Variants in CTDP1 observed in about 807,000 individuals in gnomAD.
CTDP1 encodes the protein CTD phosphatase 1, also known as RNA polymerase II subunit A C-terminal domain phosphatase.
CTDP1 carries 47 observed loss-of-function variants against 91.8 expected under a neutral mutation model. The observed-to-expected ratio is 0.51, with a 90% CI of 0.41 to 0.65. The LOEUF (loss-of-function observed/expected upper bound fraction) is 0.65, where lower values mean the gene tolerates loss of function less well. Ranked by LOEUF, CTDP1 falls within the 30% of genes least tolerant of loss-of-function variation. CTDP1 has a pLI of 0.00. For missense variants in CTDP1, 1,272 were observed against 1,373.7 expected, an observed-to-expected ratio of 0.93 and a Z score of 1.17; for synonymous variants, 656 against 598.5, an observed-to-expected ratio of 1.10 and a Z score of -1.40.
intron 12 of CTDP1, among the ~76,000 whole-genome samples, chr18:79,752,234 G>C (rs1479905425): frequency 6.6e-6 from 1 of 151,958 alleles, no homozygotes; most frequent in East Asian, 1.9e-4. Context: ...GGAAAGCCTA[G>C]TGGCACCGGC....
intron 12 of CTDP1, among the ~76,000 whole-genome samples, chr18:79,742,239 G>A (rs2086796172): frequency 1.3e-5 from 2 of 150,450 alleles, no homozygotes; most frequent in Admixed American, 1.3e-4. Flanking sequence ...TGAGGGGTTG[G>A]TGGAGAGAGG....
rs778406920 is a variant in CTDP1, at chr18:79,695,319, G to A, written c.398+11G>A. 99 of 1,613,268 alleles carry A rather than the reference G, an allele frequency of 6.1e-5. No homozygotes were observed. Among genetic ancestry groups the A allele is most frequent in the Non-Finnish European group, 6.9e-5 (81 of 1,179,382 alleles). Reference sequence around the variant, plus strand: ...CCAAGACCTCACCCAGTAAGTATCCGGAAGAGTGAGATCGCTGCCTGCTGG... The same window carrying A: ...CCAAGACCTCACCCAGTAAGTATCCAGAAGAGTGAGATCGCTGCCTGCTGG... On this transcript the variant is annotated intron_variant, in intron 2 of 12. Coordinates refer to ENST00000613122, the MANE Select transcript of CTDP1 (RefSeq NM_004715.5).
At chr18:79,734,854 C>G (rs375611147) in intron 11 of CTDP1, among the ~76,000 whole-genome samples, 2 of 152,222 alleles carry the variant, frequency 1.3e-5, no homozygotes, top group African/African-American at 2.4e-5. Flanking sequence ...ACCAGATGCT[C>G]TTATTAAATA....
intron 12 of CTDP1, among the ~76,000 whole-genome samples, chr18:79,738,526 C>T (rs760308454): frequency 1.3e-5 from 2 of 152,254 alleles, no homozygotes; most frequent in African/African-American, 2.4e-5. Flanking sequence ...TCCAGGTACA[C>T]GTCTGGTGTC....
chr18:79,700,346 A>G (rs758920777), intron 4 of CTDP1, among the ~76,000 whole-genome samples: 2 of 152,224 alleles, frequency 1.3e-5, no homozygotes, highest in Non-Finnish European at 2.9e-5. Context: ...TGCAAAGGAA[A>G]AGTTCTTGAA....
intron 4 of CTDP1, among the ~76,000 whole-genome samples, chr18:79,703,981 A>G (rs1348423245): frequency 6.6e-6 from 1 of 151,852 alleles, no homozygotes; most frequent in Non-Finnish European, 1.5e-5. Context: ...TAGTTAGTGT[A>G]GCTGTCATCG....
chr18:79,696,134 G>T, intron 3 of CTDP1, 64 bp downstream of exon 3: 2 of 1,428,192 alleles, frequency 1.4e-6, no homozygotes, highest in Non-Finnish European at 1.9e-6. Context: ...GCGGCTGCAG[G>T]AGGAGGGTGG....
At chr18:79,716,867 G>T (rs908905899) in intron 8 of CTDP1, among the ~76,000 whole-genome samples, 2 of 152,226 alleles carry the variant, frequency 1.3e-5, no homozygotes, top group Non-Finnish European at 2.9e-5. Context: ...CAGGTCACCC[G>T]CTGTGCCCGG....
intron 12 of CTDP1, among the ~76,000 whole-genome samples, chr18:79,746,354 T>C (rs371901751): frequency 0.064 from 5,665 of 87,882 alleles, 425 homozygotes; most frequent in Middle Eastern, 0.17. Flanking sequence ...GTTCTGACCC[T>C]GCGTCCCTCC....
rs17855830 is a variant in CTDP1 at position 79,680,128 on chromosome 18, T to G, written c.181T>G (p.Ser61Ala). Residue 61 changes from serine to alanine, a missense_variant, in exon 1 of 13, where the codon TCC (serine) becomes GCC (alanine). Transcript: ENST00000613122. ...VFEAAASAQS[S>A]GASQSRVASG... ...CGAGGCCGCCGCCTCCGCGCAGTCC[T>G]CCGGGGCCTCTCAGTCCCGTGTAGC... The G allele has an allele frequency of 0.6, 858,773 of 1,421,536 alleles. 261,201 individuals carry two copies. The highest frequency in any genetic ancestry group is 0.69 in the South Asian group (48,777 of 70,576). 88.1% of individuals were successfully genotyped at this position (1,421,536 alleles called of 1,614,324 possible).
At chr18:79,703,921 C>T (rs1266559451) in intron 4 of CTDP1, among the ~76,000 whole-genome samples, 3 of 151,286 alleles carry the variant, frequency 2.0e-5, no homozygotes, top group African/African-American at 4.9e-5. Flanking sequence ...GGCTGGTTAT[C>T]GGGGGTGGTT....
chr18:79,754,295 G>A lies in CTDP1; in HGVS notation c.*505G>A. 1 of 198,470 alleles carries A rather than the reference G, an allele frequency of 5.0e-6. No homozygotes were observed. The highest frequency in any genetic ancestry group is 2.3e-3 in the Middle Eastern group (1 of 442). 12.3% of individuals were successfully genotyped at this position (198,470 alleles called of 1,614,324 possible). On this transcript the variant is annotated 3_prime_UTR_variant, in exon 13 of 13. Coordinates refer to ENST00000613122, the MANE Select transcript of CTDP1 (RefSeq NM_004715.5). ...GAACGCCGTGACTGTCGGGCAGCCTGGAGCTTCCTGCAGCCTCCTACGCAG... is the reference window on the plus strand; with the variant it reads ...GAACGCCGTGACTGTCGGGCAGCCTAGAGCTTCCTGCAGCCTCCTACGCAG...
At chr18:79,705,364 GC>G (rs1258338031) in intron 5 of CTDP1, among the ~76,000 whole-genome samples, 4 of 152,196 alleles carry the variant, frequency 2.6e-5, no homozygotes, top group African/African-American at 9.7e-5. Context: ...TAGCGTGAAT[GC>G]CAGGCTACGG....
chr18:79,712,685 T>C (rs2122612516), intron 6 of CTDP1, among the ~76,000 whole-genome samples: 2 of 152,334 alleles, frequency 1.3e-5, no homozygotes, highest in Non-Finnish European at 2.9e-5. Context: ...CGGTCAGAGT[T>C]GGGTTTCGTC....
At position 79,715,323 on chromosome 18, in the gene CTDP1, C is replaced by T; in HGVS notation, c.1863C>T (p.Asp621=). The T allele has an allele frequency of 6.2e-7, 1 of 1,609,602 alleles. No individual in the cohort carries two copies. The highest frequency in any genetic ancestry group is 8.5e-7 in the Non-Finnish European group (1 of 1,177,860). Residue 621 remains aspartate (D), a synonymous_variant, in exon 8 of 13, where the codon GAC becomes GAT. Coordinates refer to ENST00000613122, the MANE Select transcript of CTDP1 (RefSeq NM_004715.5). ...YLNKEIEEAP[D]IRKIVPELKS... ...ACAAGGAGATCGAGGAGGCGCCGGA[C>T]ATCCGCAAGATCGTGCCGGAGCTCA...
chr18:79,745,110 G>T (rs1357813434), intron 12 of CTDP1, among the ~76,000 whole-genome samples: 1 of 152,206 alleles, frequency 6.6e-6, no homozygotes, highest in Non-Finnish European at 1.5e-5. Context: ...ATTAGGAGGT[G>T]TCCCCACGAC....
intron 10 of CTDP1, among the ~76,000 whole-genome samples, chr18:79,724,751 A>G (rs530441420): frequency 1.3e-5 from 2 of 152,372 alleles, no homozygotes; most frequent in South Asian, 2.1e-4. Flanking sequence ...CTAGTAGCCC[A>G]GTCCCAGATC....
At chr18:79,755,656 T>C (rs956296801), downstream of CTDP1, 1 of 152,176 alleles carries the variant, frequency 6.6e-6, no homozygotes. Flanking sequence ...CGATTCTGCG[T>C]GTGGTTGGTC....
chr18:79,722,562 G>A (rs1222031864), intron 10 of CTDP1, among the ~76,000 whole-genome samples: 1 of 147,770 alleles, frequency 6.8e-6, no homozygotes, highest in Non-Finnish European at 1.5e-5. Flanking sequence ...GGGAAGCAGC[G>A]TTGTTGTGGC....
Sources: allele counts gnomAD v4.1 joint callset (sites outside exome capture counted in the v4.1 genomes callset), GRCh38; gene constraint gnomAD v4.1.1; transcripts MANE v1.5; gene names NCBI Gene and HGNC (gene_info 2026-07-23, HGNC 2026-07-21).